CSMD1: variants seen among roughly 807,000 people sequenced by gnomAD.
CSMD1 encodes CUB and Sushi multiple domains 1, also known as CUB and sushi domain-containing protein 1.
A neutral mutation model predicts 417.5 loss-of-function variants in CSMD1; 213 were observed. The ratio of observed to expected loss-of-function variants is 0.51; its 90% CI spans 0.46 to 0.57. The LOEUF is 0.57. Among genes scored for constraint, CSMD1 ranks in the 20% least tolerant of loss-of-function variants. The probability of loss-of-function intolerance (pLI) is 0.00; values close to 1 mark genes in which losing one functional copy is unlikely to be tolerated. For missense variants in CSMD1, 6,923 were observed against 4,529.7 expected (o/e 1.53, Z -15.17); for synonymous variants, 2,862 against 1,736.8 (o/e 1.65, Z -16.11).
chr8:4,544,063 C>T (rs1042430192), intron 2 of CSMD1, among the ~76,000 whole-genome samples: 1 of 152,112 alleles, frequency 6.6e-6, no homozygotes, highest in Non-Finnish European at 1.5e-5. Flanking sequence ...TTACTTTTCC[C>T]AGTCTGTGGC....
chr8:4,359,430 A>ATT (rs996027207), intron 3 of CSMD1, among the ~76,000 whole-genome samples: 2 of 152,088 alleles, frequency 1.3e-5, no homozygotes, highest in Non-Finnish European at 1.5e-5. Flanking sequence ...TTTTCTTCCT[A>ATT]TTTTCTCGAG....
intron 2 of CSMD1, among the ~76,000 whole-genome samples, chr8:4,544,774 T>C (rs1234961712): frequency 6.6e-6 from 1 of 152,196 alleles, no homozygotes; most frequent in Non-Finnish European, 1.5e-5. Context: ...AGGGCAGCAC[T>C]GCTGTTCACT....
Position 4,248,518 on chromosome 8 carries a change from C to A in CSMD1, c.415+171435G>T, listed in dbSNP as rs933246480. On this transcript the variant is annotated intron_variant, in intron 3 of 69. Coordinates refer to ENST00000635120, the MANE Select transcript of CSMD1 (RefSeq NM_033225.6). ...TATTCATTAATATGTCAACTTCTAA[C>A]AGGAGGATTTTAGGTTTTGCCATAG... 3.9e-5 allele frequency among the ~76,000 whole-genome samples: 6 copies of A among 152,326 alleles called. No individual in the cohort carries two copies. The East Asian group carries it at 1.2e-3, about 29-fold the overall frequency.
chr8:3,704,296 G>T (rs992531707), intron 7 of CSMD1, among the ~76,000 whole-genome samples: 1 of 152,060 alleles, frequency 6.6e-6, no homozygotes, highest in Non-Finnish European at 1.5e-5. Context: ...GAAGCCTTCT[G>T]TTCTTTGCGT....
At chr8:4,659,731 C>G (rs1241367713) in intron 1 of CSMD1, among the ~76,000 whole-genome samples, 2 of 152,086 alleles carry the variant, frequency 1.3e-5, no homozygotes, top group Non-Finnish European at 2.9e-5. Context: ...GGTAGTTATA[C>G]AACATTGTGA....
chr8:3,952,194 C>T lies in CSMD1; in HGVS notation c.818+45709G>A, dbSNP rs138471068. The stretch of plus-strand genomic sequence containing the variant: ...GAGCAGAAACTGTTCATGGTGTCTC[C>T]GAGGTGAAAAGAATTTTCATAATAA... On this transcript the variant is annotated intron_variant, in intron 5 of 69. Coordinates refer to ENST00000635120, the MANE Select transcript of CSMD1 (RefSeq NM_033225.6). 1.9e-3 allele frequency among the ~76,000 whole-genome samples: 287 copies of T among 152,118 alleles called. 1 individual carries two copies. The highest frequency in any genetic ancestry group is 7.1e-3 in the Admixed American group (109 of 15,282).
At chr8:4,953,469 A>T (rs527441734) in intron 1 of CSMD1, among the ~76,000 whole-genome samples, 4 of 152,164 alleles carry the variant, frequency 2.6e-5, no homozygotes, top group Non-Finnish European at 5.9e-5. Flanking sequence ...ATTGCTTTAT[A>T]AGGAGCATTT....
chr8:3,970,377 A>G (rs978331861), intron 5 of CSMD1, among the ~76,000 whole-genome samples: 2 of 152,178 alleles, frequency 1.3e-5, no homozygotes, highest in African/African-American at 4.8e-5. Flanking sequence ...CTCCGACCAA[A>G]CAGTAAATCT....
At chr8:3,913,065 G>A (rs1808568971) in intron 5 of CSMD1, among the ~76,000 whole-genome samples, 2 of 152,140 alleles carry the variant, frequency 1.3e-5, no homozygotes, top group African/African-American at 2.4e-5. Context: ...CAACATGGCA[G>A]CACTAGGAAA....
rs542313184 is a variant in CSMD1 at position 3,427,512 on chromosome 8, A to G, written c.1562-17907T>C. ...CAGTCAAATGATGAAAATATTTAAT[A>G]AGGATGAAGTAAAAAGAACCTTCTT... On this transcript the variant is annotated intron_variant, in intron 12 of 69. Coordinates refer to ENST00000635120, the MANE Select transcript of CSMD1 (RefSeq NM_033225.6). Among the ~76,000 whole-genome samples, 16 of 152,342 alleles carry G rather than the reference A, an allele frequency of 1.1e-4. 1 individual carries two copies. The South Asian group carries it at 3.3e-3, about 32-fold the overall frequency.
intron 18 of CSMD1, among the ~76,000 whole-genome samples, chr8:3,386,615 T>G (rs1811018448): frequency 1.3e-5 from 2 of 152,218 alleles, no homozygotes; most frequent in East Asian, 3.8e-4. Flanking sequence ...GCATGCATCA[T>G]GTTTGAAAGG....
At chr8:3,283,435 G>A (rs1003014917) in intron 26 of CSMD1, among the ~76,000 whole-genome samples, 4 of 151,940 alleles carry the variant, frequency 2.6e-5, no homozygotes, top group Non-Finnish European at 4.4e-5. Context: ...CTTTAAAGTC[G>A]TACGTTTTTT....
At chr8:3,059,851 G>T (rs1393561652) in intron 49 of CSMD1, among the ~76,000 whole-genome samples, 2 of 152,078 alleles carry the variant, frequency 1.3e-5, no homozygotes, top group Admixed American at 1.3e-4. Context: ...CAAGCAGTTG[G>T]ATAGACTGAG....
chr8:2,960,943 T>TAG (rs1221886938), intron 62 of CSMD1, among the ~76,000 whole-genome samples, 198 bp downstream of exon 62: 1 of 98,806 alleles, frequency 1.0e-5, no homozygotes, highest in Non-Finnish European at 1.9e-5. Flanking sequence ...AAGCAAGATA[T>TAG]ATATATATAT....
chr8:4,249,628 C>A (rs1585095950), intron 3 of CSMD1, among the ~76,000 whole-genome samples: 1 of 152,122 alleles, frequency 6.6e-6, no homozygotes, highest in Non-Finnish European at 1.5e-5. Context: ...CTCTGCTCAA[C>A]ACAGTGTGGA....
chr8:4,802,786 G>C (rs148501405), intron 1 of CSMD1, among the ~76,000 whole-genome samples: 75 of 152,202 alleles, frequency 4.9e-4, no homozygotes, highest in African/African-American at 1.6e-3. Context: ...TCCTGACATA[G>C]AAAATCCGTG....
chr8:4,070,155 T>C (rs745557395), intron 3 of CSMD1, among the ~76,000 whole-genome samples: 8 of 152,184 alleles, frequency 5.3e-5, no homozygotes, highest in Non-Finnish European at 1.0e-4. Flanking sequence ...TTTTAAAATG[T>C]ATAAAGAATG....
chr8:3,813,413 G>T (rs1801194676), intron 5 of CSMD1, among the ~76,000 whole-genome samples: 1 of 151,964 alleles, frequency 6.6e-6, no homozygotes, highest in Non-Finnish European at 1.5e-5. Context: ...TTTTCCCTAG[G>T]GGCCTGTAAA....
At chr8:4,633,122 C>T (rs936290266) in intron 2 of CSMD1, among the ~76,000 whole-genome samples, 1 of 152,082 alleles carries the variant, frequency 6.6e-6, no homozygotes. Context: ...AGGAAAGGAT[C>T]GTGCATTGGT....
Sources: allele counts gnomAD v4.1 joint callset (sites outside exome capture counted in the v4.1 genomes callset), GRCh38; gene constraint gnomAD v4.1.1; transcripts MANE v1.5; gene names NCBI Gene and HGNC (gene_info 2026-07-23, HGNC 2026-07-21).